Variants in UCK2 observed in about 807,000 individuals in gnomAD.
UCK2 encodes cytidine monophosphokinase 2.
Under a neutral mutation model 30.8 loss-of-function variants are expected in UCK2, and 6 were observed. The observed-to-expected ratio is 0.19, with a 90% CI of 0.11 to 0.38. The LOEUF (loss-of-function observed/expected upper bound fraction) is 0.38, where lower values mean the gene tolerates loss of function less well. UCK2 is among the 10% of genes least tolerant of loss of function. The pLI, the probability that UCK2 is intolerant of heterozygous loss-of-function variation, is 1.00. For synonymous variants in UCK2, 125 were observed against 133.6 expected, an observed-to-expected ratio of 0.94 and a Z score of 0.45; for missense variants, 210 against 339.8, an observed-to-expected ratio of 0.62 and a Z score of 3.00.
intron 1 of UCK2, among the ~76,000 whole-genome samples, chr1:165,837,544 GCT>G (rs2101850147): frequency 6.6e-6 from 1 of 152,222 alleles, no homozygotes; most frequent in Admixed American, 6.5e-5. Context: ...TTGCTCTTTT[GCT>G]CTTTTTGGGG....
intron 1 of UCK2, among the ~76,000 whole-genome samples, chr1:165,844,037 T>G (rs1193459827): frequency 3.3e-5 from 5 of 152,240 alleles, no homozygotes; most frequent in Non-Finnish European, 7.3e-5. Flanking sequence ...CTTTATTTCC[T>G]CTCACAGCCC....
chr1:165,898,074 C>G (rs1296421337), intron 4 of UCK2: 1 of 152,160 alleles, frequency 6.6e-6, no homozygotes, highest in African/African-American at 2.4e-5. Context: ...TGCTTCTGCC[C>G]CAGGGCCTGG....
chr1:165,856,901 GTTTT>G (rs60388478), intron 1 of UCK2, among the ~76,000 whole-genome samples: 4 of 134,748 alleles, frequency 3.0e-5, no homozygotes, highest in Non-Finnish European at 3.2e-5. Flanking sequence ...CGGCCCCAGG[GTTTT>G]TTTTTTTTTT....
Position 165,907,977 on chromosome 1 carries a change from C to G in UCK2, c.*154C>G. 8.8e-7 allele frequency: 1 copy of G among 1,133,848 alleles called. No individual in the cohort carries two copies. The highest frequency in any genetic ancestry group is 3.4e-5 in the Admixed American group (1 of 29,660). 70.2% of individuals were successfully genotyped at this position (1,133,848 alleles called of 1,614,324 possible). ...CTTTGATTTTTTTTTTCTTTTTGTA[C>G]TTTGGAACGACAAAATGAAACAGAA... On this transcript the variant is annotated 3_prime_UTR_variant, in exon 7 of 7. Coordinates refer to ENST00000367879, the MANE Select transcript of UCK2 (RefSeq NM_012474.5).
At chr1:165,828,966 G>A (rs1270540612) in intron 1 of UCK2, among the ~76,000 whole-genome samples, 1 of 152,194 alleles carries the variant, frequency 6.6e-6, no homozygotes, top group Non-Finnish European at 1.5e-5. Flanking sequence ...GCAGGATGAT[G>A]CTTCTCCCGG....
At chr1:165,897,042 G>A (rs745737975) in intron 4 of UCK2, among the ~76,000 whole-genome samples, 1 of 152,240 alleles carries the variant, frequency 6.6e-6, no homozygotes, top group Admixed American at 6.5e-5. Context: ...GGACTTGGAT[G>A]TGGTGGGGTA....
chr1:165,848,779 G>T (rs558270403), intron 1 of UCK2, among the ~76,000 whole-genome samples: 1 of 152,072 alleles, frequency 6.6e-6, no homozygotes, highest in South Asian at 2.1e-4. Context: ...TGCCCTTCAC[G>T]TCTTTATTCT....
chr1:165,898,922 T>C (rs1647367647), intron 4 of UCK2, among the ~76,000 whole-genome samples: 1 of 152,200 alleles, frequency 6.6e-6, no homozygotes, highest in African/African-American at 2.4e-5. Flanking sequence ...CGAGTCACTT[T>C]CCTGATGGAT....
intron 1 of UCK2, among the ~76,000 whole-genome samples, chr1:165,838,540 A>G (rs1343225478): frequency 3.9e-5 from 6 of 152,196 alleles, no homozygotes; most frequent in Non-Finnish European, 1.5e-5. Context: ...ATGGTTGAAG[A>G]ATGAGTTACT....
At chr1:165,889,076 G>A (rs1012656533) in intron 1 of UCK2, among the ~76,000 whole-genome samples, 1 of 152,138 alleles carries the variant, frequency 6.6e-6, no homozygotes, top group Admixed American at 6.5e-5. Flanking sequence ...ATGTAGGTTT[G>A]AGTTCATTTG....
intron 1 of UCK2, among the ~76,000 whole-genome samples, chr1:165,861,453 C>T (rs1654895223): frequency 6.6e-6 from 1 of 151,208 alleles, no homozygotes; most frequent in Admixed American, 6.6e-5. Flanking sequence ...ACGGTGAAAC[C>T]CCGTCTCTAC....
intron 3 of UCK2, chr1:165,894,465 G>A (rs1423452159): frequency 1.3e-5 from 2 of 152,074 alleles, no homozygotes; most frequent in Non-Finnish European, 2.9e-5. Context: ...CTCTAGACTG[G>A]TGCTTCTCTA....
chr1:165,897,447 C>G (rs1196961825), intron 4 of UCK2, among the ~76,000 whole-genome samples: 2 of 151,898 alleles, frequency 1.3e-5, no homozygotes, highest in Non-Finnish European at 1.5e-5. Context: ...TTAGAATCGA[C>G]CAGGACCCAG....
At chr1:165,895,460 G>T in intron 3 of UCK2, 4 of 985,038 alleles carry the variant, frequency 4.1e-6, no homozygotes, top group Non-Finnish European at 4.8e-6. Context: ...TACAATTAGT[G>T]CCTGCCCTAG....
At chr1:165,844,783 TTGAA>T (rs138943244) in intron 1 of UCK2, among the ~76,000 whole-genome samples, 2,493 of 152,198 alleles carry the variant, frequency 0.016, 74 homozygotes, top group African/African-American at 0.056. Flanking sequence ...AGGACAGTGT[TTGAA>T]TGAGCATCCA....
At chr1:165,890,404 T>C in intron 2 of UCK2, 41 bp downstream of exon 2, 3 of 1,556,698 alleles carry the variant, frequency 1.9e-6, no homozygotes, top group East Asian at 4.5e-5. Flanking sequence ...TGTATTGGTG[T>C]GTTGGGGGGA....
intron 1 of UCK2, among the ~76,000 whole-genome samples, chr1:165,889,186 G>A (rs370871586): frequency 6.6e-6 from 1 of 152,328 alleles, no homozygotes; most frequent in East Asian, 1.9e-4. Flanking sequence ...ACACACGTTT[G>A]TGAAAAGGCC....
chr1:165,842,670 T>C (rs915547015), intron 1 of UCK2, among the ~76,000 whole-genome samples: 3 of 152,232 alleles, frequency 2.0e-5, no homozygotes, highest in African/African-American at 7.2e-5. Context: ...CAGCTGCCAA[T>C]CTGGACCACC....
At chr1:165,901,275 C>T (rs1557850023) in intron 4 of UCK2, among the ~76,000 whole-genome samples, 1 of 152,186 alleles carries the variant, frequency 6.6e-6, no homozygotes, top group Non-Finnish European at 1.5e-5. Flanking sequence ...GGAGAAAACA[C>T]TTCGTAAATC....
Sources: gnomAD v4.1 joint callset for allele counts (sites outside exome capture counted in the v4.1 genomes callset) on GRCh38, gnomAD v4.1.1 for gene constraint, MANE v1.5 for transcripts, NCBI Gene and HGNC (gene_info 2026-07-23, HGNC 2026-07-21) for gene names.